The following NOTCH2NLC variants were observed in gnomAD, a reference collection of about 807,000 sequenced individuals.
NOTCH2NLC encodes notch homolog 2 N-terminal-like protein C.
Under a neutral mutation model 17.7 loss-of-function variants are expected in NOTCH2NLC, and 4 were observed. The observed-to-expected ratio is 0.23, with a 90% CI of 0.11 to 0.52. NOTCH2NLC has a LOEUF of 0.52. NOTCH2NLC is among the 20% of genes least tolerant of loss of function. The probability of loss-of-function intolerance (pLI) is 0.96; values close to 1 mark genes in which losing one functional copy is unlikely to be tolerated. For synonymous variants in NOTCH2NLC, 18 were observed against 86.0 expected, an observed-to-expected ratio of 0.21 and a Z score of 4.38; for missense variants, 57 against 207.2, an observed-to-expected ratio of 0.28 and a Z score of 4.45.
chr1:149,439,004 C>T (rs1425054633), intron 2 of NOTCH2NLC, among the ~76,000 whole-genome samples: 1 of 146,770 alleles, frequency 6.8e-6, no homozygotes, highest in African/African-American at 2.5e-5. Context: ...GCCTGAACCA[C>T]TGTGCCTGGC....
intron 1 of NOTCH2NLC, among the ~76,000 whole-genome samples, chr1:149,426,215 ACT>A (rs2084411354): frequency 1.2e-5 from 1 of 83,456 alleles, no homozygotes; most frequent in African/African-American, 4.7e-5. Context: ...TCTGAGGTAC[ACT>A]CCTGCACCCC....
At chr1:149,422,977 T>A (rs2084386127) in intron 1 of NOTCH2NLC, among the ~76,000 whole-genome samples, 1 of 145,250 alleles carries the variant, frequency 6.9e-6, no homozygotes, top group Non-Finnish European at 1.5e-5. Flanking sequence ...ATGATTTTTT[T>A]ATAGTATGAA....
chr1:149,461,458 TAGGC>T (rs2084649616), intron 3 of NOTCH2NLC, among the ~76,000 whole-genome samples: 1 of 149,864 alleles, frequency 6.7e-6, no homozygotes, highest in African/African-American at 2.5e-5. Flanking sequence ...CATTCCTTGA[TAGGC>T]AGAGAGCACT....
intron 2 of NOTCH2NLC, among the ~76,000 whole-genome samples, chr1:149,446,519 G>T (rs1361883648): frequency 6.7e-6 from 1 of 150,150 alleles, no homozygotes; most frequent in Non-Finnish European, 1.5e-5. Flanking sequence ...TTTGAGATGG[G>T]GTTCTCACCA....
At chr1:149,444,510 A>AGATAATTCCCAGCT (rs1553706157) in intron 2 of NOTCH2NLC, among the ~76,000 whole-genome samples, 1 of 111,198 alleles carries the variant, frequency 9.0e-6, no homozygotes, top group Non-Finnish European at 1.8e-5. Flanking sequence ...GGGGTTTCAG[A>AGATAATTCCCAGCT]GATAATTCCC....
chr1:149,420,085 T>C lies in NOTCH2NLC; in HGVS notation c.136-10857T>C, dbSNP rs1188235038. ...TGGGGTTTCACCGTGTTAGCCAGGATGGTGTCGATCTCCTGACCTCGTGAT... is the reference window on the plus strand; with the variant it reads ...TGGGGTTTCACCGTGTTAGCCAGGACGGTGTCGATCTCCTGACCTCGTGAT... On this transcript the variant is annotated intron_variant, in intron 1 of 4. Coordinates refer to ENST00000650865, the MANE Select transcript of NOTCH2NLC (RefSeq NM_001364013.2). 6.3e-4 allele frequency among the ~76,000 whole-genome samples: 95 copies of C among 149,834 alleles called. 4 individuals are homozygous for C. Among genetic ancestry groups the C allele is most frequent in the Non-Finnish European group, 1.2e-3 (83 of 67,168 alleles).
chr1:149,395,815 CTTT>C (rs1356621940), intron 1 of NOTCH2NLC, among the ~76,000 whole-genome samples: 1 of 136,286 alleles, frequency 7.3e-6, no homozygotes, highest in Non-Finnish European at 1.6e-5. Flanking sequence ...AGTATATTTG[CTTT>C]TTTTTTTTTG....
chr1:149,460,182 C>T (rs2084633790), intron 3 of NOTCH2NLC, among the ~76,000 whole-genome samples: 1 of 142,550 alleles, frequency 7.0e-6, no homozygotes, highest in Non-Finnish European at 1.6e-5. Flanking sequence ...TATTAGGAGG[C>T]AAAGTAGGGG....
intron 1 of NOTCH2NLC, among the ~76,000 whole-genome samples, chr1:149,421,412 T>A (rs1334524048): frequency 1.5e-5 from 2 of 137,728 alleles, no homozygotes; most frequent in Non-Finnish European, 3.1e-5. Flanking sequence ...GGCAGGAGAA[T>A]GGCGTGAACC....
At chr1:149,419,847 A>G (rs2084368874) in intron 1 of NOTCH2NLC, among the ~76,000 whole-genome samples, 1 of 119,388 alleles carries the variant, frequency 8.4e-6, no homozygotes, top group Non-Finnish European at 1.7e-5. Context: ...AGGAATATAT[A>G]TATATATATT....
At chr1:149,433,901 T>G (rs1390154484) in intron 2 of NOTCH2NLC, among the ~76,000 whole-genome samples, 1 of 150,196 alleles carries the variant, frequency 6.7e-6, no homozygotes, top group Non-Finnish European at 1.5e-5. Flanking sequence ...TGAGCCAAGA[T>G]TGCACCACTG....
chr1:149,434,445 ATAAATAT>A (rs1403141556), intron 2 of NOTCH2NLC, among the ~76,000 whole-genome samples: 1 of 148,964 alleles, frequency 6.7e-6, no homozygotes, highest in Non-Finnish European at 1.5e-5. Context: ...AAAATAGAAA[ATAAATAT>A]TAAAACACTT....
intron 1 of NOTCH2NLC, among the ~76,000 whole-genome samples, chr1:149,399,440 A>G (rs1285187830): frequency 2.3e-5 from 3 of 129,070 alleles, no homozygotes; most frequent in African/African-American, 6.0e-5. Flanking sequence ...TAGTGCTGAT[A>G]TATTAACTTC....
chr1:149,460,226 C>T (rs1234582670), intron 3 of NOTCH2NLC, among the ~76,000 whole-genome samples: 1 of 147,420 alleles, frequency 6.8e-6, no homozygotes, highest in Non-Finnish European at 1.5e-5. Context: ...TTAATTCTGG[C>T]TAGTGGAAAT....
intron 1 of NOTCH2NLC, among the ~76,000 whole-genome samples, chr1:149,394,744 G>A (rs1330232518): frequency 6.6e-6 from 1 of 150,390 alleles, no homozygotes; most frequent in Non-Finnish European, 1.5e-5. Context: ...GTCTCAGTTC[G>A]AATGCCTAAA....
In NOTCH2NLC at chr1:149,471,015, C is replaced by T. The variant is rs2101520703; in HGVS notation, c.*6862C>T. Among the ~76,000 whole-genome samples, 1 of 148,868 alleles carries T rather than the reference C, an allele frequency of 6.7e-6. No homozygotes were observed. Among genetic ancestry groups the T allele is most frequent in the South Asian group, 2.1e-4 (1 of 4,660 alleles). ...TATTGTCTGTCTTTTTTATTATATT[C>T]ATCTGTAATGTGAAGTGTTTATCTC... On this transcript the variant is annotated 3_prime_UTR_variant, in exon 5 of 5. Transcript: ENST00000650865.
chr1:149,462,833 ATT>A (rs878889477), intron 3 of NOTCH2NLC, among the ~76,000 whole-genome samples: 11 of 117,054 alleles, frequency 9.4e-5, no homozygotes, highest in African/African-American at 2.6e-4. Context: ...CGGGAAGTTG[ATT>A]TTTTTTTTTT....
At chr1:149,413,052 G>A (rs2084308476) in intron 1 of NOTCH2NLC, among the ~76,000 whole-genome samples, 3 of 148,306 alleles carry the variant, frequency 2.0e-5, no homozygotes, top group African/African-American at 7.4e-5. Context: ...TTACTGGGGT[G>A]TGCCACTACC....
chr1:149,421,399 T>A (rs1447489058), intron 1 of NOTCH2NLC, among the ~76,000 whole-genome samples: 2 of 143,088 alleles, frequency 1.4e-5, no homozygotes, highest in Non-Finnish European at 3.0e-5. Flanking sequence ...CTCGGGAGGC[T>A]GAGGCAGGAG....
Sources: gnomAD v4.1 joint callset for allele counts (sites outside exome capture counted in the v4.1 genomes callset) on GRCh38, gnomAD v4.1.1 for gene constraint, MANE v1.5 for transcripts, NCBI Gene and HGNC (gene_info 2026-07-23, HGNC 2026-07-21) for gene names.